The following HMG20A variants were observed in gnomAD, a reference collection of about 807,000 sequenced individuals.
HMG20A encodes high mobility group 20A.
HMG20A carries 17 observed loss-of-function variants against 43.9 expected under a neutral mutation model. The observed-to-expected ratio is 0.39, with a 90% CI of 0.27 to 0.58. The LOEUF (loss-of-function observed/expected upper bound fraction) is 0.58. Among genes scored for constraint, HMG20A ranks in the 20% least tolerant of loss-of-function variants. The probability of loss-of-function intolerance (pLI) is 0.59; values close to 1 mark genes in which losing one functional copy is unlikely to be tolerated. For synonymous variants in HMG20A, 132 were observed against 147.5 expected (o/e 0.89, Z 0.76); for missense variants, 341 against 438.2 (o/e 0.78, Z 1.98).
Position 77,420,902 on chromosome 15 carries a change from G to C in HMG20A, c.-107G>C, listed in dbSNP as rs969527934. ...AATTTTTGTCCAGCTGTGAGACGAC[G>C]AGTGCGTGAAGTGAAGGCGATTGAG... On this transcript the variant is annotated 5_prime_UTR_variant, in exon 1 of 10. Transcript: ENST00000336216. The C allele has an allele frequency of 7.5e-6, 3 of 398,668 alleles. No individual in the cohort carries two copies. Among genetic ancestry groups the C allele is most frequent in the African/African-American group, 6.2e-5 (3 of 48,652 alleles). 24.7% of individuals were successfully genotyped at this position (398,668 alleles called of 1,614,324 possible). A position where few individuals can be genotyped will look rare whatever the true frequency, so the allele number is the denominator to read the frequency against.
chr15:77,438,917 A>T (rs1379129929), intron 1 of HMG20A, among the ~76,000 whole-genome samples: 3 of 152,018 alleles, frequency 2.0e-5, no homozygotes, highest in Admixed American at 2.0e-4. Context: ...CAGCCTCCCG[A>T]GTAGCTGGGA....
chr15:77,458,298 C>A (rs2072674655), intron 1 of HMG20A, 106 bp from the exon 2 acceptor site: 3 of 685,468 alleles, frequency 4.4e-6, no homozygotes, highest in East Asian at 2.7e-5. Context: ...AGTTTTTATT[C>A]TGTTGCTTAT....
intron 2 of HMG20A, among the ~76,000 whole-genome samples, chr15:77,464,032 A>G (rs1372742811): frequency 6.6e-6 from 1 of 152,244 alleles, no homozygotes; most frequent in Non-Finnish European, 1.5e-5. Flanking sequence ...AGATGTCTTC[A>G]TGGAACTGAC....
At chr15:77,446,433 A>C (rs909379142) in intron 1 of HMG20A, among the ~76,000 whole-genome samples, 2 of 152,032 alleles carry the variant, frequency 1.3e-5, no homozygotes, top group Admixed American at 6.6e-5. Flanking sequence ...TAAAAAAAAA[A>C]CTCGTGTCTC....
At chr15:77,444,141 T>C (rs2073647061) in intron 1 of HMG20A, among the ~76,000 whole-genome samples, 1 of 152,218 alleles carries the variant, frequency 6.6e-6, no homozygotes, top group South Asian at 2.1e-4. Context: ...AAAGAAATAT[T>C]TGATCCTCAC....
At chr15:77,422,110 A>G (rs1321257319) in intron 1 of HMG20A, among the ~76,000 whole-genome samples, 1 of 152,238 alleles carries the variant, frequency 6.6e-6, no homozygotes, top group African/African-American at 2.4e-5. Flanking sequence ...GTCAGATAAC[A>G]CAATACTTAG....
chr15:77,449,539 A>G (rs2073712316), intron 1 of HMG20A, among the ~76,000 whole-genome samples: 1 of 152,194 alleles, frequency 6.6e-6, no homozygotes, highest in African/African-American at 2.4e-5. Context: ...TGCATATCAA[A>G]GTCAGTTGTG....
At chr15:77,433,352 A>G (rs2073509766) in intron 1 of HMG20A, among the ~76,000 whole-genome samples, 1 of 151,858 alleles carries the variant, frequency 6.6e-6, no homozygotes, top group African/African-American at 2.4e-5. Context: ...AAAAAAAAAA[A>G]AAAAAAAAAT....
intron 1 of HMG20A, among the ~76,000 whole-genome samples, chr15:77,435,037 GAGCAAAAGAAGCCAGA>G: frequency 6.6e-6 from 1 of 152,038 alleles, no homozygotes; most frequent in South Asian, 2.1e-4. Flanking sequence ...GCATAATATC[GAGCAAAAGAAGCCAGA>G]TAAGTGCATG....
At chr15:77,471,880 A>T in intron 6 of HMG20A, 66 bp downstream of exon 6, 1 of 865,920 alleles carries the variant, frequency 1.2e-6, no homozygotes, top group Non-Finnish European at 1.7e-6. Flanking sequence ...TTGAAATGCT[A>T]TTGGATTTTT....
intron 1 of HMG20A, among the ~76,000 whole-genome samples, chr15:77,430,874 A>C (rs1410804686): frequency 6.6e-6 from 1 of 152,226 alleles, no homozygotes; most frequent in African/African-American, 2.4e-5. Context: ...AAGAAGTCTA[A>C]CATACATATG....
At position 77,420,991 on chromosome 15, in the gene HMG20A, CCT is replaced by C. The variant is rs1201480197; in HGVS notation, c.-17_-16del. On this transcript the variant is annotated 5_prime_UTR_variant, in exon 1 of 10. Transcript: ENST00000336216. ...TTTTGGCCCTAGGCCCCTTCCTGCC[CCT>C]GTCGTCAGCAGGTCAGTAAGCAAGG... is the stretch of plus-strand genomic sequence containing the variant. 2.5e-6 allele frequency: 1 copy of C among 398,646 alleles called. No individual in the cohort carries two copies. The highest frequency in any genetic ancestry group is 4.4e-6 in the Non-Finnish European group (1 of 226,162). The allele number at this position is 398,646 out of a possible 1,614,324, so 24.7% of individuals were successfully genotyped here.
the HMG20A span, among the ~76,000 whole-genome samples, chr15:77,496,446 G>T: frequency 6.6e-6 from 1 of 152,100 alleles, no homozygotes; most frequent in Non-Finnish European, 1.5e-5. Flanking sequence ...CCTCCATCCA[G>T]TTTCTCCTTT....
intron 1 of HMG20A, among the ~76,000 whole-genome samples, chr15:77,439,766 G>T (rs188672948): frequency 2.0e-5 from 3 of 152,224 alleles, no homozygotes; most frequent in Admixed American, 1.3e-4. Context: ...GGAGTTGCTG[G>T]TTCATAGGAT....
chr15:77,432,563 AATAC>A (rs1427797654), intron 1 of HMG20A, among the ~76,000 whole-genome samples: 1 of 152,058 alleles, frequency 6.6e-6, no homozygotes, highest in African/African-American at 2.4e-5. Context: ...CTCTATTAAA[AATAC>A]AAAAATTAGC....
chr15:77,460,277 A>T (rs1248561215), intron 2 of HMG20A, among the ~76,000 whole-genome samples: 1 of 152,174 alleles, frequency 6.6e-6, no homozygotes, highest in Non-Finnish European at 1.5e-5. Context: ...ATATATTTGA[A>T]GGTATACCAA....
chr15:77,463,704 T>C (rs1366232804), intron 2 of HMG20A, among the ~76,000 whole-genome samples: 2 of 152,222 alleles, frequency 1.3e-5, no homozygotes, highest in Non-Finnish European at 1.5e-5. Flanking sequence ...CTGAACTTAC[T>C]TAACTTGATA....
chr15:77,443,346 A>G (rs1157465787), intron 1 of HMG20A, among the ~76,000 whole-genome samples: 2 of 138,532 alleles, frequency 1.4e-5, no homozygotes, highest in East Asian at 2.0e-4. Context: ...TTATATATCT[A>G]TTTTTTATGA....
At chr15:77,499,641 C>T in the HMG20A span, among the ~76,000 whole-genome samples, 1 of 152,122 alleles carries the variant, frequency 6.6e-6, no homozygotes, top group African/African-American at 2.4e-5. Context: ...CTGGGGCTCT[C>T]CTAATAGCCC....
Sources: gnomAD v4.1 joint callset for allele counts (sites outside exome capture counted in the v4.1 genomes callset) on GRCh38, gnomAD v4.1.1 for gene constraint, MANE v1.5 for transcripts, NCBI Gene and HGNC (gene_info 2026-07-23, HGNC 2026-07-21) for gene names.